Variants in ARHGEF4 observed in about 807,000 individuals in gnomAD.
ARHGEF4 encodes the protein Rho guanine nucleotide exchange factor 4.
ARHGEF4 carries 119 observed loss-of-function variants against 162.0 expected under a neutral mutation model. That is an observed-to-expected ratio of 0.73 (90% CI 0.63 to 0.86). The LOEUF (loss-of-function observed/expected upper bound fraction) is 0.86, where lower values mean the gene tolerates loss of function less well. Ranked by LOEUF, ARHGEF4 falls within the 40% of genes least tolerant of loss-of-function variation. ARHGEF4 has a pLI of 0.00. For synonymous variants in ARHGEF4, 1,014 were observed against 979.9 expected, an observed-to-expected ratio of 1.03 and a Z score of -0.65; for missense variants, 2,488 against 2,456.0, an observed-to-expected ratio of 1.01 and a Z score of -0.28.
intron 4 of ARHGEF4, among the ~76,000 whole-genome samples, chr2:130,962,097 G>A (rs1003093101): frequency 8.5e-5 from 13 of 152,112 alleles, no homozygotes; most frequent in African/African-American, 3.1e-4. Flanking sequence ...AAATTAGCTG[G>A]GCATGGTGGC....
At chr2:130,886,297 T>TG (rs1356230555) in intron 1 of ARHGEF4, among the ~76,000 whole-genome samples, 2 of 150,248 alleles carry the variant, frequency 1.3e-5, no homozygotes, top group African/African-American at 2.5e-5. Flanking sequence ...TGTTTTTTTT[T>TG]GCCAGGTTTT....
intron 5 of ARHGEF4, chr2:131,035,528 C>A: frequency 4.1e-6 from 2 of 483,488 alleles, no homozygotes; most frequent in East Asian, 7.8e-5. Context: ...CGCGTCTCTG[C>A]GAGTAACCGA....
At chr2:130,952,195 A>G (rs76486277) in intron 4 of ARHGEF4, among the ~76,000 whole-genome samples, 2,239 of 152,268 alleles carry the variant, frequency 0.015, 67 homozygotes, top group African/African-American at 0.051. Context: ...AGTATTTCTT[A>G]TAAGTTAGGT....
At chr2:130,979,642 A>G (rs1351514244) in intron 4 of ARHGEF4, among the ~76,000 whole-genome samples, 5 of 150,202 alleles carry the variant, frequency 3.3e-5, no homozygotes, top group Non-Finnish European at 7.4e-5. Context: ...AGGCTGAGTC[A>G]GGAGAATGGC....
intron 1 of ARHGEF4, among the ~76,000 whole-genome samples, chr2:130,901,657 A>AGC (rs1169249334): frequency 1.3e-5 from 2 of 151,898 alleles, no homozygotes; most frequent in Non-Finnish European, 1.5e-5. Flanking sequence ...AGCAGCTGGG[A>AGC]CTACAGGCGC....
At chr2:130,869,546 G>T (rs921797932) in intron 1 of ARHGEF4, among the ~76,000 whole-genome samples, 1 of 152,210 alleles carries the variant, frequency 6.6e-6, no homozygotes, top group African/African-American at 2.4e-5. Flanking sequence ...CAGCACATAG[G>T]CAGTGCTTGA....
chr2:130,886,097 T>A (rs1421772643), intron 1 of ARHGEF4, among the ~76,000 whole-genome samples: 7 of 152,068 alleles, frequency 4.6e-5, no homozygotes, highest in African/African-American at 1.7e-4. Context: ...AGATATCTTT[T>A]AAATCTGTGA....
In ARHGEF4 at chr2:131,045,434, G is replaced by A. The variant is rs375298090; in HGVS notation, c.5467G>A (p.Gly1823Arg). Reference sequence around the variant, plus strand: ...GAATGCCAGCAAGCAGCAGGTCACAGGGAAGCCCAAAGGTAGGCGGACAGC... The same window carrying A: ...GAATGCCAGCAAGCAGCAGGTCACAAGGAAGCCCAAAGGTAGGCGGACAGC... ...MLNASKQQVT[G>R]KPKAVGRPCY... Residue 1823 changes from glycine (G) to arginine (R), a missense_variant, in exon 13 of 14, where the codon GGG (glycine) becomes AGG (arginine). Physicochemically the swap from Gly to Arg is moderately radical, Grantham distance 125 (BLOSUM62 -2). Around this residue, in one of 6 missense-constraint regions of ARHGEF4, gnomAD observed 415 missense variants for 512.4 expected, o/e 0.81. Transcript: ENST00000409359. 1 of 1,613,528 alleles carries A rather than the reference G, an allele frequency of 6.2e-7. No individual in the cohort carries two copies. Among genetic ancestry groups the A allele is most frequent in the African/African-American group, 1.3e-5 (1 of 74,954 alleles).
At chr2:130,864,087 G>A (rs527588299) in intron 1 of ARHGEF4, among the ~76,000 whole-genome samples, 4 of 151,900 alleles carry the variant, frequency 2.6e-5, no homozygotes, top group Admixed American at 1.3e-4. Context: ...TCGGGAGGCC[G>A]AGGCAGAAGA....
chr2:131,035,764 T>C (rs1280054607), intron 5 of ARHGEF4: 20 of 985,234 alleles, frequency 2.0e-5, no homozygotes, highest in Non-Finnish European at 2.4e-5. Context: ...CCCTTGCACG[T>C]GGGCCCTCTG....
intron 1 of ARHGEF4, among the ~76,000 whole-genome samples, chr2:130,864,800 C>T (rs756483224): frequency 2.0e-5 from 3 of 152,214 alleles, no homozygotes; most frequent in Non-Finnish European, 4.4e-5. Context: ...GTGATGGTTG[C>T]ACAACTCTGA....
chr2:130,964,896 G>A (rs1021329456), intron 4 of ARHGEF4, among the ~76,000 whole-genome samples: 2 of 152,234 alleles, frequency 1.3e-5, no homozygotes, highest in African/African-American at 2.4e-5. Context: ...TGGTTGAGAG[G>A]AAGATTTTGT....
chr2:130,898,395 G>T (rs1680292778), intron 1 of ARHGEF4, among the ~76,000 whole-genome samples: 1 of 152,230 alleles, frequency 6.6e-6, no homozygotes, highest in Non-Finnish European at 1.5e-5. Flanking sequence ...AGGTCAGTGT[G>T]CCCCTATGGA....
intron 1 of ARHGEF4, among the ~76,000 whole-genome samples, chr2:130,849,734 A>G (rs1681265767): frequency 6.6e-6 from 1 of 151,810 alleles, no homozygotes. Context: ...CGTCCAGCTA[A>G]TTTTTGTATT....
chr2:130,916,588 G>C lies in ARHGEF4; in HGVS notation c.2642G>C (p.Gly881Ala), dbSNP rs267598876. The C allele has an allele frequency of 1.9e-5, 29 of 1,550,430 alleles. No homozygotes were observed. Among genetic ancestry groups the C allele is most frequent in the African/African-American group, 2.7e-5 (2 of 73,062 alleles). Residue 881 changes from glycine to alanine, a missense_variant, in exon 2 of 14, where the codon GGG (glycine) becomes GCG (alanine). Gly to Ala is a moderately conservative substitution (Grantham distance 60, BLOSUM62 0). Around this residue, in one of 6 missense-constraint regions of ARHGEF4, gnomAD observed 1,642 missense variants for 1,481.5 expected, o/e 1.11. Coordinates refer to ENST00000409359, the MANE Select transcript of ARHGEF4 (RefSeq NM_001367493.1). The part of the protein sequence containing the change: ...PAGAGHTGTS[G>A]DLGSRGPSSE... Reference sequence around the variant, plus strand: ...GGAGCGGGGCACACGGGGACCTCAGGGGATCTTGGTAGCCGAGGGCCTTCC... The same window carrying C: ...GGAGCGGGGCACACGGGGACCTCAGCGGATCTTGGTAGCCGAGGGCCTTCC...
chr2:130,885,031 A>G (rs1195759815), intron 1 of ARHGEF4, among the ~76,000 whole-genome samples: 1 of 152,132 alleles, frequency 6.6e-6, no homozygotes, highest in African/African-American at 2.4e-5. Flanking sequence ...CAAGTTTATG[A>G]TGCCATTACT....
Position 130,890,574 on chromosome 2 carries a change from AAAT to A in ARHGEF4, c.40-23411_40-23409del, listed in dbSNP as rs1400124941. On this transcript the variant is annotated intron_variant, in intron 1 of 13. Transcript: ENST00000409359. Reference sequence around the variant, plus strand: ...GAGACTCCGTTTAAAAAAAAAAAAAAAATTCCATCATTTTACCTCTCTGTGGTA... The same window carrying A: ...GAGACTCCGTTTAAAAAAAAAAAAAATCCATCATTTTACCTCTCTGTGGTA... 5.8e-4 allele frequency among the ~76,000 whole-genome samples: 85 copies of A among 146,880 alleles called. 1 individual carries two copies. The highest frequency in any genetic ancestry group is 2.0e-3 in the African/African-American group (81 of 39,626).
chr2:130,948,129 C>G (rs969422085), intron 4 of ARHGEF4, among the ~76,000 whole-genome samples: 2 of 152,156 alleles, frequency 1.3e-5, no homozygotes, highest in Admixed American at 6.5e-5. Flanking sequence ...GCCCTGAATG[C>G]TGGAGTTTGG....
rs910588516 is a variant in ARHGEF4 at position 130,916,083 on chromosome 2, C to A, written c.2137C>A (p.Leu713Ile). The A allele has an allele frequency of 6.5e-7, 1 of 1,550,140 alleles. No individual in the cohort carries two copies. Among genetic ancestry groups the A allele is most frequent in the African/African-American group, 1.4e-5 (1 of 73,056 alleles). Reference sequence around the variant, plus strand: ...TCAGCGGGTGGCCCAGGCCGCAGAGCTTGGGAGAGTGCTGGTCCCCCAAGC... The same window carrying A: ...TCAGCGGGTGGCCCAGGCCGCAGAGATTGGGAGAGTGCTGGTCCCCCAAGC... ...ALQRVAQAAE[L>I]GRVLVPQAAS... is the part of the protein sequence containing the mutation. Residue 713 changes from leucine to isoleucine, a missense_variant, in exon 2 of 14, where the codon CTT becomes ATT. Around this residue, in one of 6 missense-constraint regions of ARHGEF4, gnomAD observed 1,642 missense variants for 1,481.5 expected, o/e 1.11. Coordinates refer to ENST00000409359, the MANE Select transcript of ARHGEF4 (RefSeq NM_001367493.1).
Sources: gnomAD v4.1 joint callset for allele counts (sites outside exome capture counted in the v4.1 genomes callset) on GRCh38, gnomAD v4.1.1 for gene constraint, gnomAD v4.1.1 regional missense constraint, MANE v1.5 for transcripts, NCBI Gene and HGNC (gene_info 2026-07-23, HGNC 2026-07-21) for gene names.